Variants in USP10 observed in about 807,000 individuals in gnomAD.
USP10 encodes ubiquitin specific peptidase 10, also known as ubiquitin carboxyl-terminal hydrolase 10.
USP10 carries 22 observed loss-of-function variants against 84.5 expected under a neutral mutation model. The ratio of observed to expected loss-of-function variants is 0.26; its 90% CI spans 0.19 to 0.37. USP10 has a LOEUF of 0.37. Ranked by LOEUF, USP10 falls within the 10% of genes least tolerant of loss-of-function variation. The pLI is 1.00. For missense variants in USP10, 1,019 were observed against 998.9 expected, an observed-to-expected ratio of 1.02 and a Z score of -0.27; for synonymous variants, 454 against 387.6, an observed-to-expected ratio of 1.17 and a Z score of -2.01.
chr16:84,767,872 C>A (rs1914032839), intron 10 of USP10, among the ~76,000 whole-genome samples: 1 of 151,704 alleles, frequency 6.6e-6, no homozygotes, highest in Non-Finnish European at 1.5e-5. Context: ...GGAAGGTCAG[C>A]AGACAAACAA....
chr16:84,754,899 G>C (rs1912344885), intron 4 of USP10, among the ~76,000 whole-genome samples: 1 of 152,048 alleles, frequency 6.6e-6, no homozygotes, highest in Non-Finnish European at 1.5e-5. Context: ...CCAGCACTTT[G>C]GGAATCCAAG....
chr16:84,724,105 T>C (rs989006252), intron 1 of USP10, among the ~76,000 whole-genome samples: 1 of 152,244 alleles, frequency 6.6e-6, no homozygotes, highest in Admixed American at 6.5e-5. Flanking sequence ...AATAGCAATT[T>C]TACACAGGAA....
intron 4 of USP10, among the ~76,000 whole-genome samples, chr16:84,754,786 G>C (rs1912331038): frequency 6.6e-6 from 1 of 152,174 alleles, no homozygotes. Flanking sequence ...TGATTGCATA[G>C]AGATTGAATG....
chr16:84,722,717 G>C (rs779785993), intron 1 of USP10, among the ~76,000 whole-genome samples: 1 of 151,958 alleles, frequency 6.6e-6, no homozygotes, highest in Non-Finnish European at 1.5e-5. Context: ...ACTCCCCCAC[G>C]CCCAGCTAAT....
intron 1 of USP10, among the ~76,000 whole-genome samples, chr16:84,729,546 T>G (rs74428272): frequency 6.6e-6 from 1 of 152,204 alleles, no homozygotes. Context: ...GAATACTCAT[T>G]GTATGGGAGA....
At chr16:84,749,508 TG>T (rs1597362517) in intron 4 of USP10, among the ~76,000 whole-genome samples, 2 of 151,800 alleles carry the variant, frequency 1.3e-5, no homozygotes, top group Admixed American at 1.3e-4. Context: ...GATTGAGGCT[TG>T]AGGCTCGATA....
intron 1 of USP10, among the ~76,000 whole-genome samples, chr16:84,701,920 C>A (rs72797561): frequency 8.4e-5 from 11 of 130,334 alleles, no homozygotes; most frequent in African/African-American, 3.1e-4. Context: ...AGTTTGATTT[C>A]TCATAATTTT....
At chr16:84,738,061 G>A (rs1056949649) in intron 2 of USP10, among the ~76,000 whole-genome samples, 3 of 150,980 alleles carry the variant, frequency 2.0e-5, no homozygotes, top group Admixed American at 6.6e-5. Context: ...GGGGACAGCC[G>A]GAAGATGGTG....
chr16:84,725,751 C>T (rs1030106584), intron 1 of USP10, among the ~76,000 whole-genome samples: 1 of 152,134 alleles, frequency 6.6e-6, no homozygotes, highest in African/African-American at 2.4e-5. Context: ...TTTTTAGATC[C>T]AAGAGATCCT....
chr16:84,705,299 T>C (rs904164053), intron 1 of USP10, among the ~76,000 whole-genome samples: 3 of 152,046 alleles, frequency 2.0e-5, no homozygotes, highest in Admixed American at 1.3e-4. Flanking sequence ...TGGCGGTATC[T>C]TGTCTCACTG....
intron 1 of USP10, among the ~76,000 whole-genome samples, chr16:84,709,920 A>G (rs561341925): frequency 2.0e-5 from 3 of 152,228 alleles, no homozygotes; most frequent in South Asian, 2.1e-4. Context: ...GGAGAGAGAA[A>G]GAATTTGGTA....
At position 84,759,613 on chromosome 16, in the gene USP10, G is replaced by T. The variant is rs116479287; in HGVS notation, c.1394+141G>T. On this transcript the variant is annotated intron_variant, in intron 6 of 13. Coordinates refer to ENST00000219473, the MANE Select transcript of USP10 (RefSeq NM_005153.3). ...CTTTTTTTAAAAATAGACTGTTGGC[G>T]ATTTTATATGGAAGTTAACCAGAAA... 2.6e-3 allele frequency: 2,114 copies of T among 798,292 alleles called. 25 individuals are homozygous for T. In the African/African-American group the frequency reaches 0.032, roughly 12 times the overall value. 49.5% of individuals were successfully genotyped at this position (798,292 alleles called of 1,614,324 possible).
intron 2 of USP10, among the ~76,000 whole-genome samples, chr16:84,738,626 CTGGGT>C (rs1260073712): frequency 2.6e-5 from 4 of 152,178 alleles, no homozygotes; most frequent in African/African-American, 9.7e-5. Flanking sequence ...ATGCTTTCTT[CTGGGT>C]GTCAACGTGA....
chr16:84,717,001 A>G (rs765686423), intron 1 of USP10, among the ~76,000 whole-genome samples: 11 of 152,168 alleles, frequency 7.2e-5, no homozygotes, highest in Non-Finnish European at 1.6e-4. Context: ...GGATTACATG[A>G]GATAGAGCAT....
chr16:84,775,094 T>G, intron 12 of USP10, 66 bp from the exon 13 acceptor site: 1 of 1,430,124 alleles, frequency 7.0e-7, no homozygotes, highest in Non-Finnish European at 9.9e-7. Flanking sequence ...TTGTTAGCCA[T>G]TTTCTGCTGC....
chr16:84,715,185 C>T (rs1906852934), intron 1 of USP10, among the ~76,000 whole-genome samples: 1 of 152,084 alleles, frequency 6.6e-6, no homozygotes, highest in African/African-American at 2.4e-5. Flanking sequence ...CCGCCTAGGC[C>T]TCCCAAAGTG....
chr16:84,705,298 C>G (rs1475861927), intron 1 of USP10, among the ~76,000 whole-genome samples: 2 of 151,404 alleles, frequency 1.3e-5, no homozygotes, highest in South Asian at 2.1e-4. Flanking sequence ...TTGGCGGTAT[C>G]TTGTCTCACT....
chr16:84,751,982 G>C (rs1307720210), intron 4 of USP10, among the ~76,000 whole-genome samples: 1 of 152,016 alleles, frequency 6.6e-6, no homozygotes, highest in Non-Finnish European at 1.5e-5. Context: ...TCAGTGGGCT[G>C]ATTTGTGGCA....
In USP10 at chr16:84,746,769, T is replaced by C. The variant is rs535624049; in HGVS notation, c.1192+1096T>C. ...TGTACTACGTTGATTTACAAATTTT[T>C]CCTCAATAAGAAATTAACCTTAACC... On this transcript the variant is annotated intron_variant, in intron 4 of 13. Transcript: ENST00000219473. Among the ~76,000 whole-genome samples the C allele has an allele frequency of 5.9e-5, 9 of 152,322 alleles. 1 individual carries two copies. The highest frequency in any genetic ancestry group is 2.2e-4 in the African/African-American group (9 of 41,578).
Sources: allele counts gnomAD v4.1 joint callset (sites outside exome capture counted in the v4.1 genomes callset), GRCh38; gene constraint gnomAD v4.1.1; transcripts MANE v1.5; gene names NCBI Gene and HGNC (gene_info 2026-07-23, HGNC 2026-07-21).